The following TIMM23B variants were observed in gnomAD, a reference collection of about 807,000 sequenced individuals.
The protein encoded by TIMM23B is translocase of inner mitochondrial membrane 23 homolog B, also known as mitochondrial import inner membrane translocase subunit Tim23B.
In TIMM23B, 27 loss-of-function variants were observed where a neutral mutation model predicts 27.3. The ratio of observed to expected loss-of-function variants is 0.99; its 90% CI spans 0.73 to 1.36. The LOEUF (loss-of-function observed/expected upper bound fraction) is 1.36. TIMM23B is among the 40% of genes most tolerant of loss of function. The probability of loss-of-function intolerance (pLI) is 0.00; values close to 1 mark genes in which losing one functional copy is unlikely to be tolerated. For synonymous variants in TIMM23B, 73 were observed against 92.4 expected (o/e 0.79, Z 1.21); for missense variants, 205 against 244.2 (o/e 0.84, Z 1.07).
At chr10:49,961,801 G>A (rs1315734566) in intron 6 of TIMM23B, among the ~76,000 whole-genome samples, 36 of 148,974 alleles carry the variant, frequency 2.4e-4, no homozygotes, top group African/African-American at 8.7e-4. Flanking sequence ...TTTAGCAATG[G>A]GGTCTTGCTA....
At position 49,973,036 on chromosome 10, in the gene TIMM23B, C is replaced by T. The variant is rs560033755; in HGVS notation, c.539C>T (p.Pro180Leu). Residue 180 changes from proline to leucine, a missense_variant, in exon 7 of 7, where the codon CCG (proline) becomes CTG (leucine). Coordinates refer to ENST00000651259, the MANE Select transcript of TIMM23B (RefSeq NM_001290117.2). ...GTGTCAGAGATGGCTTTGGATTCCC[C>T]GTTCTGTGTGCTGCTGTCTGGCTCC... ...CTVSEMALDS[P>L]FCVLLSGS The T allele has an allele frequency of 5.2e-5, 80 of 1,532,590 alleles. 1 individual carries two copies. The African/African-American group carries it at 8.4e-4, about 16-fold the overall frequency. The allele number at this position is 1,532,590 out of a possible 1,614,324, so 94.9% of individuals were successfully genotyped here. A position where few individuals can be genotyped will look rare whatever the true frequency, so the allele number is the denominator to read the frequency against.
chr10:49,961,799 T>C lies in TIMM23B; in HGVS notation c.514+3319T>C, dbSNP rs1344275559. On this transcript the variant is annotated intron_variant, in intron 6 of 6. Transcript: ENST00000651259. ...CATTGTTTCTTTTTTTGTTTAGCAATGGGGTCTTGCTATGTTACCCAGGCT... is the reference window on the plus strand; with the variant it reads ...CATTGTTTCTTTTTTTGTTTAGCAACGGGGTCTTGCTATGTTACCCAGGCT... Among the ~76,000 whole-genome samples, 32 of 149,520 alleles carry C rather than the reference T, an allele frequency of 2.1e-4. No individual in the cohort carries two copies. In the East Asian group the frequency reaches 5.9e-3, roughly 27 times the overall value.
intron 6 of TIMM23B, among the ~76,000 whole-genome samples, chr10:49,966,331 C>T (rs1385538633): frequency 6.6e-6 from 1 of 151,780 alleles, no homozygotes; most frequent in East Asian, 1.9e-4. Context: ...TGCACTCCAG[C>T]CTGGGCGATT....
chr10:49,956,660 T>C lies in TIMM23B; in HGVS notation c.403+1600T>C, dbSNP rs1564682805. Among the ~76,000 whole-genome samples, 2 of 146,200 alleles carry C rather than the reference T, an allele frequency of 1.4e-5. 1 individual carries two copies. Among genetic ancestry groups the C allele is most frequent in the Non-Finnish European group, 3.1e-5 (2 of 65,040 alleles). On this transcript the variant is annotated intron_variant, in intron 5 of 6. Transcript: ENST00000651259. ...TGTGCACATGTCCCTGATTTACTTA[T>C]TAGTGAAAATGATTCTTCTGGTTTT... is the stretch of plus-strand genomic sequence containing the variant.
chr10:49,956,602 C>T (rs1839734573), intron 5 of TIMM23B, among the ~76,000 whole-genome samples: 1 of 146,388 alleles, frequency 6.8e-6, no homozygotes, highest in African/African-American at 2.4e-5. Flanking sequence ...TTCTTCCAGG[C>T]GTTTCTCTGC....
intron 2 of TIMM23B, among the ~76,000 whole-genome samples, chr10:49,947,655 C>T (rs1564678885): frequency 6.6e-6 from 1 of 151,490 alleles, no homozygotes; most frequent in Non-Finnish European, 1.5e-5. Context: ...AGTCCTGGCG[C>T]AGTGGCTCGT....
At chr10:49,970,206 G>T (rs1294570736) in intron 6 of TIMM23B, 3 of 153,844 alleles carry the variant, frequency 2.0e-5, no homozygotes, top group African/African-American at 7.3e-5. Flanking sequence ...CCTCTGCCCG[G>T]CTGCCACCCC....
intron 2 of TIMM23B, among the ~76,000 whole-genome samples, chr10:49,947,473 G>A (rs1417332929): frequency 6.6e-6 from 1 of 151,926 alleles, no homozygotes; most frequent in East Asian, 1.9e-4. Flanking sequence ...GCCAGGCGTG[G>A]TGCTGGGCGC....
At chr10:49,972,759 G>C in intron 6 of TIMM23B, 2 of 535,596 alleles carry the variant, frequency 3.7e-6, no homozygotes, top group South Asian at 4.4e-5. Context: ...AAGTGTTTTA[G>C]TAGCCCAGAT....
rs1839666556 is a variant in TIMM23B at position 49,954,989 on chromosome 10, T to C, written c.345-13T>C. On this transcript the variant is annotated splice_polypyrimidine_tract_variant and intron_variant, in intron 4 of 6. Coordinates refer to ENST00000651259, the MANE Select transcript of TIMM23B (RefSeq NM_001290117.2). ...ATTCTAAATACAGATTCTTTCTCTTTCTGCCCTGATAGGATTTTGAATATG... is the reference window on the plus strand; with the variant it reads ...ATTCTAAATACAGATTCTTTCTCTTCCTGCCCTGATAGGATTTTGAATATG... The C allele has an allele frequency of 3.1e-6, 5 of 1,612,628 alleles. No homozygotes were observed. In the Admixed American group the frequency reaches 5.0e-5, roughly 16 times the overall value.
At chr10:49,945,419 C>T (rs1839324307) in intron 2 of TIMM23B, among the ~76,000 whole-genome samples, 1 of 152,042 alleles carries the variant, frequency 6.6e-6, no homozygotes, top group African/African-American at 2.4e-5. Context: ...TTGCTTTTGT[C>T]CTCCAGGCTG....
intron 2 of TIMM23B, among the ~76,000 whole-genome samples, chr10:49,951,523 T>A (rs1373397482): frequency 1.3e-5 from 2 of 152,306 alleles, no homozygotes; most frequent in South Asian, 4.1e-4. Flanking sequence ...TTTCTCAATC[T>A]TAGTATTTTG....
At chr10:49,960,394 T>A (rs1763470339) in intron 6 of TIMM23B, among the ~76,000 whole-genome samples, 1 of 149,214 alleles carries the variant, frequency 6.7e-6, no homozygotes, top group South Asian at 2.1e-4. Flanking sequence ...TTAAATAATA[T>A]TATTATCTTG....
intron 6 of TIMM23B, 23 bp from the exon 7 acceptor site, chr10:49,972,989 A>G: frequency 7.5e-7 from 1 of 1,328,034 alleles, no homozygotes; most frequent in Non-Finnish European, 1.0e-6. Flanking sequence ...ATGTTTGGTT[A>G]TTTTTGTTTT....
At chr10:49,955,533 A>G (rs1251491347) in intron 5 of TIMM23B, among the ~76,000 whole-genome samples, 2 of 152,238 alleles carry the variant, frequency 1.3e-5, no homozygotes, top group Non-Finnish European at 2.9e-5. Context: ...TTCCTTGTAG[A>G]TAATGAAAAC....
intron 5 of TIMM23B, among the ~76,000 whole-genome samples, chr10:49,955,978 T>C (rs1272851050): frequency 6.6e-6 from 1 of 152,182 alleles, no homozygotes; most frequent in Non-Finnish European, 1.5e-5. Context: ...CAGCTGTCCT[T>C]GTCTGCCTAG....
At chr10:49,956,697 A>C (rs1839737885) in intron 5 of TIMM23B, among the ~76,000 whole-genome samples, 3 of 146,378 alleles carry the variant, frequency 2.0e-5, no homozygotes, top group South Asian at 4.4e-4. Context: ...AAGTGACTGT[A>C]TAGTATTCCA....
At chr10:49,968,908 A>G (rs1413048508) in intron 6 of TIMM23B, among the ~76,000 whole-genome samples, 5 of 152,338 alleles carry the variant, frequency 3.3e-5, no homozygotes, top group Non-Finnish European at 7.4e-5. Context: ...AGGTCCGCCT[A>G]ATACCTTGCT....
intron 5 of TIMM23B, among the ~76,000 whole-genome samples, chr10:49,955,566 T>TA (rs1299358162): frequency 1.3e-5 from 2 of 152,228 alleles, no homozygotes; most frequent in Non-Finnish European, 2.9e-5. Context: ...AGGCAAAAGG[T>TA]AATTTAGTAG....
Sources: gnomAD v4.1 joint callset for allele counts (sites outside exome capture counted in the v4.1 genomes callset) on GRCh38, gnomAD v4.1.1 for gene constraint, MANE v1.5 for transcripts, NCBI Gene and HGNC (gene_info 2026-07-23, HGNC 2026-07-21) for gene names.